The following RUFY3 variants were observed in gnomAD, a reference collection of about 807,000 sequenced individuals.
RUFY3 encodes protein RUFY3.
A neutral mutation model predicts 84.0 loss-of-function variants in RUFY3; 34 were observed. That is an observed-to-expected ratio of 0.40 (90% confidence interval 0.31 to 0.54). RUFY3 has a LOEUF of 0.54. Among genes scored for constraint, RUFY3 ranks in the 20% least tolerant of loss-of-function variants. The pLI is 0.39. For synonymous variants in RUFY3, 242 were observed against 252.9 expected (o/e 0.96, Z 0.41); for missense variants, 507 against 736.8 (o/e 0.69, Z 3.61).
intron 2 of RUFY3, among the ~76,000 whole-genome samples, chr4:70,763,188 A>G (rs952616752): frequency 1.5e-4 from 23 of 151,928 alleles, no homozygotes; most frequent in Non-Finnish European, 4.4e-5. Flanking sequence ...TTAAATCTGT[A>G]TGCCTATGCT....
intron 1 of RUFY3, among the ~76,000 whole-genome samples, chr4:70,726,266 A>G (rs1400458493): frequency 1.3e-5 from 2 of 152,208 alleles, no homozygotes; most frequent in African/African-American, 2.4e-5. Flanking sequence ...TGGCTGCAGA[A>G]GCTAGGTTCC....
In RUFY3 at chr4:70,764,572, C is replaced by G; in HGVS notation, c.568C>G (p.Leu190Val). The G allele has an allele frequency of 6.3e-7, 1 of 1,589,552 alleles. No individual in the cohort carries two copies. The highest frequency in any genetic ancestry group is 8.6e-7 in the Non-Finnish European group (1 of 1,158,696). The change falls in exon 4 of 18, where the codon CTC (leucine) becomes GTC (valine). Residue 190 changes from leucine (L) to valine (V), a missense_variant. Leu to Val is a conservative substitution (Grantham distance 32). Coordinates refer to ENST00000381006, the MANE Select transcript of RUFY3 (RefSeq NM_001037442.4). ...MKALINKKEL[L>V]SEFYEPNALM... ...AGCTTTGATCAATAAGAAAGAACTT[C>G]TCAGGTATGAACACCTTCTTGAACT... is the stretch of plus-strand genomic sequence containing the variant.
chr4:70,756,932 C>T (rs1340319381), intron 1 of RUFY3, among the ~76,000 whole-genome samples: 3 of 151,978 alleles, frequency 2.0e-5, no homozygotes, highest in Non-Finnish European at 2.9e-5. Context: ...ATGTAGAAAA[C>T]TAACATTTCC....
chr4:70,736,435 T>C, intron 1 of RUFY3, among the ~76,000 whole-genome samples: 1 of 152,222 alleles, frequency 6.6e-6, no homozygotes, highest in East Asian at 1.9e-4. Flanking sequence ...CAAAATTTTA[T>C]ACATGTAAGA....
chr4:70,704,799 C>T, upstream of RUFY3: 1 of 543,228 alleles, frequency 1.8e-6, no homozygotes, highest in Non-Finnish European at 2.7e-6. Context: ...AGGCGCCAGC[C>T]CGTGGCCGAG....
rs1404747164 is a variant in RUFY3 at position 70,807,820 on chromosome 4, T to C, written c.*1161T>C. Among the ~76,000 whole-genome samples the C allele has an allele frequency of 2.0e-5, 3 of 152,170 alleles. No homozygotes were observed. Among genetic ancestry groups the C allele is most frequent in the East Asian group, 1.9e-4 (1 of 5,196 alleles). On this transcript the variant is annotated 3_prime_UTR_variant, in exon 18 of 18. Transcript: ENST00000381006. ...TGGCCAAGTTTAATTTGTTCATGGC[T>C]GAGAACAGTTAGCTCGGAATACTTA... is the stretch of plus-strand genomic sequence containing the variant.
At chr4:70,723,515 T>C (rs80036891) in intron 1 of RUFY3, among the ~76,000 whole-genome samples, 5,650 of 144,182 alleles carry the variant, frequency 0.039, 222 homozygotes, top group African/African-American at 0.12. Context: ...TTGTGGTCTC[T>C]TGACTTGCGA....
intron 1 of RUFY3, among the ~76,000 whole-genome samples, chr4:70,705,488 C>T (rs1740193094): frequency 6.6e-6 from 1 of 151,664 alleles, no homozygotes; most frequent in Non-Finnish European, 1.5e-5. Context: ...GGGACGACCG[C>T]GGTTCGGGCG....
At chr4:70,740,212 G>T (rs1473728359) in intron 1 of RUFY3, among the ~76,000 whole-genome samples, 3 of 152,146 alleles carry the variant, frequency 2.0e-5, no homozygotes, top group African/African-American at 7.2e-5. Context: ...GTAAAGTGGA[G>T]AACAGCTTTA....
At chr4:70,748,167 C>T (rs965836476) in intron 1 of RUFY3, among the ~76,000 whole-genome samples, 1 of 152,190 alleles carries the variant, frequency 6.6e-6, no homozygotes, top group African/African-American at 2.4e-5. Context: ...CGCTGATTCT[C>T]TGCTCAAAAC....
intron 14 of RUFY3, among the ~76,000 whole-genome samples, chr4:70,797,728 A>G (rs1731709218): frequency 1.3e-5 from 2 of 152,054 alleles, no homozygotes; most frequent in South Asian, 4.1e-4. Context: ...CTATAATCCC[A>G]GCTACTCGGG....
At chr4:70,737,459 C>T (rs966394682) in intron 1 of RUFY3, among the ~76,000 whole-genome samples, 3 of 152,086 alleles carry the variant, frequency 2.0e-5, no homozygotes, top group Non-Finnish European at 4.4e-5. Context: ...AGTGTCCAGT[C>T]CTGTGGACAG....
rs562558211 is a variant in RUFY3 at position 70,793,667 on chromosome 4, C to T, written c.1338-118C>T. The T allele has an allele frequency of 1.1e-5, 17 of 1,558,688 alleles. No homozygotes were observed. The South Asian group carries it at 1.2e-4, about 11-fold the overall frequency. On this transcript the variant is annotated intron_variant, in intron 12 of 17. Transcript: ENST00000381006. ...ACCTGTGTCCTGCAAAGTTTTTTTC[C>T]TCTCTCTGTCTCTCTGTGCATTCTT...
intron 1 of RUFY3, among the ~76,000 whole-genome samples, chr4:70,735,625 G>T (rs1185740247): frequency 6.6e-6 from 1 of 152,132 alleles, no homozygotes; most frequent in Non-Finnish European, 1.5e-5. Context: ...CGGATTGCTT[G>T]AGCTCAGGAG....
At chr4:70,805,614 C>T (rs939627699) in intron 17 of RUFY3, among the ~76,000 whole-genome samples, 4 of 152,164 alleles carry the variant, frequency 2.6e-5, no homozygotes, top group African/African-American at 9.7e-5. Flanking sequence ...AACAAATGAA[C>T]TGCCCTTATA....
intron 12 of RUFY3, chr4:70,792,996 C>A (rs921664910): frequency 1.5e-5 from 15 of 985,246 alleles, no homozygotes; most frequent in Non-Finnish European, 1.8e-5. Flanking sequence ...AAAACCTACA[C>A]ATAGCATGCG....
In RUFY3 at chr4:70,713,024, G is replaced by C. The variant is rs141607302; in HGVS notation, c.358+7730G>C. The stretch of plus-strand genomic sequence containing the variant: ...ATTGTGTGAAAGGAAATTTTTTTTT[G>C]TTTTGTTTGCTTTTTTGAGATGGAG... On this transcript the variant is annotated intron_variant, in intron 1 of 11. Coordinates refer to the RUFY3 transcript ENST00000417478. Among the ~76,000 whole-genome samples the C allele has an allele frequency of 2.1e-3, 315 of 151,682 alleles. 2 individuals are homozygous for C. The highest frequency in any genetic ancestry group is 7.1e-3 in the African/African-American group (296 of 41,418).
At chr4:70,724,540 T>C (rs1388123974) in intron 1 of RUFY3, among the ~76,000 whole-genome samples, 2 of 152,228 alleles carry the variant, frequency 1.3e-5, no homozygotes, top group African/African-American at 4.8e-5. Context: ...CATTTCTCAG[T>C]ATGGAAAATG....
chr4:70,765,285 CA>C (rs1469242379), intron 4 of RUFY3, among the ~76,000 whole-genome samples: 1 of 150,224 alleles, frequency 6.7e-6, no homozygotes, highest in Non-Finnish European at 1.5e-5. Context: ...GGCAAAACAA[CA>C]TTATTTTATC....
Sources: gnomAD v4.1 joint callset for allele counts (sites outside exome capture counted in the v4.1 genomes callset) on GRCh38, gnomAD v4.1.1 for gene constraint, MANE v1.5 for transcripts, NCBI Gene and HGNC (gene_info 2026-07-23, HGNC 2026-07-21) for gene names.